The following DYNC2H1 variants were observed in gnomAD, a reference collection of about 807,000 sequenced individuals.
DYNC2H1 encodes cytoplasmic dynein 2 heavy chain 1.
A neutral mutation model predicts 570.0 loss-of-function variants in DYNC2H1; 410 were observed. That is an observed-to-expected ratio of 0.72 (90% confidence interval 0.66 to 0.78). The LOEUF (loss-of-function observed/expected upper bound fraction) is 0.78. Ranked by LOEUF, DYNC2H1 falls within the 30% of genes least tolerant of loss-of-function variation. The pLI is 0.00. For missense variants in DYNC2H1, 4,865 were observed against 5,046.4 expected (o/e 0.96, Z 1.09); for synonymous variants, 1,688 against 1,677.6 (o/e 1.01, Z -0.15).
At chr11:103,464,227 G>A (rs1945119319) in intron 87 of DYNC2H1, among the ~76,000 whole-genome samples, 1 of 152,154 alleles carries the variant, frequency 6.6e-6, no homozygotes, top group South Asian at 2.1e-4. Context: ...GAGAGAAACA[G>A]GGAAAGATAA....
Position 103,186,122 on chromosome 11 carries a change from T to C in DYNC2H1, c.6634-120T>C. 1.0e-6 allele frequency: 1 copy of C among 964,456 alleles called. No homozygotes were observed. The highest frequency in any genetic ancestry group is 1.5e-6 in the Non-Finnish European group (1 of 669,912). 59.7% of individuals were successfully genotyped at this position (964,456 alleles called of 1,614,324 possible). On this transcript the variant is annotated intron_variant, in intron 41 of 88. Transcript: ENST00000375735. This position sits in a 1 kb window ranked among gnomAD's most constrained non-coding sequence, Gnocchi z 4.5. Reference sequence around the variant, plus strand: ...TACATTAATGATAAAATAGGTTTAGTTTATGTAAAGTTTTCTTGGAACTAA... The same window carrying C: ...TACATTAATGATAAAATAGGTTTAGCTTATGTAAAGTTTTCTTGGAACTAA...
At position 103,123,130 on chromosome 11, in the gene DYNC2H1, G is replaced by C. The variant is rs896678267; in HGVS notation, c.1661+130G>C. 3 of 678,086 alleles carry C rather than the reference G, an allele frequency of 4.4e-6. No homozygotes were observed. The African/African-American group carries it at 5.6e-5, about 13-fold the overall frequency. 42.0% of individuals were successfully genotyped at this position (678,086 alleles called of 1,614,324 possible). ...CTCCTGTAATTTTTTTTTGTTGTTT[G>C]TTTTTGATCATCAACTTTTAATTCA... On this transcript the variant is annotated intron_variant, in intron 11 of 88. Coordinates refer to ENST00000375735, the MANE Select transcript of DYNC2H1 (RefSeq NM_001377.3).
At position 103,256,905 on chromosome 11, in the gene DYNC2H1, C is replaced by G. The variant is rs548410278; in HGVS notation, c.10461+665C>G. Among the ~76,000 whole-genome samples the G allele has an allele frequency of 2.0e-5, 3 of 152,202 alleles. No individual in the cohort carries two copies. Among genetic ancestry groups the G allele is most frequent in the African/African-American group, 7.2e-5 (3 of 41,522 alleles). On this transcript the variant is annotated intron_variant, in intron 68 of 88. Coordinates refer to ENST00000375735, the MANE Select transcript of DYNC2H1 (RefSeq NM_001377.3). The surrounding 1 kb of genome is among the most constrained non-coding windows in gnomAD (Gnocchi z 4.0). ...ACAAATATTTACCATTTCATCTTAC[C>G]CACTTTCCCCTAATACTAGTGCTGT...
chr11:103,347,859 C>T lies in DYNC2H1; in HGVS notation c.12040-10384C>T, dbSNP rs1406123365. Among the ~76,000 whole-genome samples, 4 of 152,160 alleles carry T rather than the reference C, an allele frequency of 2.6e-5. No individual in the cohort carries two copies. The East Asian group carries it at 5.8e-4, about 22-fold the overall frequency. Reference sequence around the variant, plus strand: ...GTCCCCCTCACAGTTAGAGAACAGTCATGCCAGGCACCAACCCCAGTTTCT... The same window carrying T: ...GTCCCCCTCACAGTTAGAGAACAGTTATGCCAGGCACCAACCCCAGTTTCT... On this transcript the variant is annotated intron_variant, in intron 82 of 88. Coordinates refer to ENST00000375735, the MANE Select transcript of DYNC2H1 (RefSeq NM_001377.3).
intron 35 of DYNC2H1, among the ~76,000 whole-genome samples, chr11:103,173,567 A>G (rs1861666812): frequency 6.6e-6 from 1 of 152,090 alleles, no homozygotes; most frequent in Non-Finnish European, 1.5e-5. Flanking sequence ...CTTCAGCTAA[A>G]TGATTCTTAC....
chr11:103,462,898 G>A (rs570574645), intron 87 of DYNC2H1, among the ~76,000 whole-genome samples: 2 of 152,148 alleles, frequency 1.3e-5, no homozygotes, highest in East Asian at 3.9e-4. Flanking sequence ...CCTTAATAGT[G>A]AAGTGTAGCG....
At chr11:103,282,337 A>G in intron 72 of DYNC2H1, 108 bp downstream of exon 72, 3 of 922,922 alleles carry the variant, frequency 3.3e-6, no homozygotes, top group South Asian at 1.6e-5. Context: ...TGTTGAAGTT[A>G]TAATTTGATT....
intron 85 of DYNC2H1, among the ~76,000 whole-genome samples, chr11:103,452,798 A>ACT (rs1944656934): frequency 6.6e-6 from 1 of 151,876 alleles, no homozygotes; most frequent in Non-Finnish European, 1.5e-5. Flanking sequence ...ATCTCCTCTA[A>ACT]ATAAGCTGTT....
At chr11:103,352,621 T>C (rs1235108249) in intron 82 of DYNC2H1, among the ~76,000 whole-genome samples, 1 of 152,188 alleles carries the variant, frequency 6.6e-6, no homozygotes, top group Non-Finnish European at 1.5e-5. Flanking sequence ...AGACTAGCTT[T>C]ATGGCCTAAT....
chr11:103,427,100 T>C (rs1340252674), intron 84 of DYNC2H1, among the ~76,000 whole-genome samples: 1 of 152,098 alleles, frequency 6.6e-6, no homozygotes, highest in Non-Finnish European at 1.5e-5. Context: ...TCTTGATGTA[T>C]GTTTGGTTAA....
At position 103,153,509 on chromosome 11, in the gene DYNC2H1, G is replaced by A. The variant is rs1860669125; in HGVS notation, c.3302+1G>A. 1 of 1,550,340 alleles carries A rather than the reference G, an allele frequency of 6.5e-7. No homozygotes were observed. The highest frequency in any genetic ancestry group is 8.7e-7 in the Non-Finnish European group (1 of 1,151,356). ...TTGAAGTCACAAGAAAAAAGCTGGT[G>A]TATGTTTTTTCTTTAAAATTGATAG... On this transcript the variant is annotated splice_donor_variant, in intron 22 of 88. Transcript: ENST00000375735. LOFTEE classifies it high-confidence loss of function.
intron 70 of DYNC2H1, among the ~76,000 whole-genome samples, chr11:103,273,350 G>A (rs997825344): frequency 2.6e-4 from 40 of 151,852 alleles, no homozygotes; most frequent in South Asian, 4.2e-4. Flanking sequence ...CACCATGGGC[G>A]GCTACTTTTT....
In DYNC2H1 at chr11:103,252,798, T is replaced by C. The variant is rs1210367746; in HGVS notation, c.10043-487T>C. Among the ~76,000 whole-genome samples, 3 of 152,220 alleles carry C rather than the reference T, an allele frequency of 2.0e-5. No individual in the cohort carries two copies. The highest frequency in any genetic ancestry group is 7.2e-5 in the African/African-American group (3 of 41,466). ...TAAATAACTCCAAGTTTTTAGGTTA[T>C]TCTTTCATTTTGTTGATAATGTGTA... is the stretch of plus-strand genomic sequence containing the variant. On this transcript the variant is annotated intron_variant, in intron 65 of 88. Transcript: ENST00000375735. This position sits in a 1 kb window ranked among gnomAD's most constrained non-coding sequence, Gnocchi z 4.6.
rs924191525 is a variant in DYNC2H1, at chr11:103,176,539, T to G, written c.5874+105T>G. The G allele has an allele frequency of 2.2e-5, 21 of 948,870 alleles. No homozygotes were observed. The African/African-American group carries it at 3.3e-4, about 15-fold the overall frequency. The allele number at this position is 948,870 out of a possible 1,614,324, so 58.8% of individuals were successfully genotyped here. A position where few individuals can be genotyped will look rare whatever the true frequency, so the allele number is the denominator to read the frequency against. On this transcript the variant is annotated intron_variant, in intron 37 of 88. Transcript: ENST00000375735. The stretch of plus-strand genomic sequence containing the variant: ...TTCAACTTATCTTTTATCTTTCAAC[T>G]TAGATCTCACTTGCTCAGGGAAGTC...
At position 103,418,060 on chromosome 11, in the gene DYNC2H1, A is replaced by T. The variant is rs187448503; in HGVS notation, c.12367-17883A>T. Among the ~76,000 whole-genome samples the T allele has an allele frequency of 8.1e-4, 124 of 152,176 alleles. 2 individuals carry two copies. In the East Asian group the frequency reaches 0.023, roughly 28 times the overall value. On this transcript the variant is annotated intron_variant, in intron 84 of 88. Coordinates refer to ENST00000375735, the MANE Select transcript of DYNC2H1 (RefSeq NM_001377.3). ...TCTACAGCCAGATGAAAGGGCATCT[A>T]TGAAAAAGATACAACTAATATGACA...
intron 84 of DYNC2H1, among the ~76,000 whole-genome samples, chr11:103,419,066 C>T (rs1396539498): frequency 6.6e-6 from 1 of 152,170 alleles, no homozygotes; most frequent in African/African-American, 2.4e-5. Flanking sequence ...TTCCATGGCA[C>T]TTCACAAGGT....
intron 88 of DYNC2H1, among the ~76,000 whole-genome samples, chr11:103,478,622 G>T (rs1945643323): frequency 6.6e-6 from 1 of 152,170 alleles, no homozygotes; most frequent in South Asian, 2.1e-4. Context: ...CAAACAAATT[G>T]CTAGGAAAAG....
At position 103,122,969 on chromosome 11, in the gene DYNC2H1, T is replaced by C; in HGVS notation, c.1630T>C (p.Ser544Pro). 6.4e-7 allele frequency: 1 copy of C among 1,569,564 alleles called. No homozygotes were observed. The highest frequency in any genetic ancestry group is 8.7e-7 in the Non-Finnish European group (1 of 1,152,900). Reference protein sequence around the residue: ...QFDDWSRDIQSGLSDSRSGLC... With the variant: ...QFDDWSRDIQPGLSDSRSGLC... ...TGATGATTGGTCCAGGGATATTCAA[T>C]CAGGTTTATCTGATTCCAGATCTGG... is the stretch of plus-strand genomic sequence containing the variant. The change falls in exon 11 of 89, where the codon TCA (serine) becomes CCA (proline). Residue 544 changes from serine to proline, a missense_variant. Ser to Pro is a moderately conservative substitution (Grantham distance 74, BLOSUM62 -1). Transcript: ENST00000375735.
Position 103,187,535 on chromosome 11 carries a change from A to G in DYNC2H1, c.7089A>G (p.Leu2363=). ...RLVLYLKDIN[L]PKLDKWGTST... The stretch of plus-strand genomic sequence containing the variant: ...TTCTGTACTTAAAAGATATCAACCT[A>G]CCTAAACTTGATAAATGGGGGACCA... Residue 2363 remains leucine (L), a synonymous_variant, in exon 43 of 89, where the codon CTA becomes CTG. Coordinates refer to ENST00000375735, the MANE Select transcript of DYNC2H1 (RefSeq NM_001377.3). The G allele has an allele frequency of 6.2e-7, 1 of 1,613,212 alleles. No homozygotes were observed. The highest frequency in any genetic ancestry group is 8.5e-7 in the Non-Finnish European group (1 of 1,179,420).
Sources: allele counts gnomAD v4.1 joint callset (sites outside exome capture counted in the v4.1 genomes callset), GRCh38; gene constraint gnomAD v4.1.1; non-coding constraint Gnocchi (gnomAD v3.1); transcripts MANE v1.5; gene names NCBI Gene and HGNC (gene_info 2026-07-23, HGNC 2026-07-21).